The following UBE2W variants were observed in gnomAD, a reference collection of about 807,000 sequenced individuals.
UBE2W encodes the protein ubiquitin-conjugating enzyme E2 W.
UBE2W carries 18 observed loss-of-function variants against 27.2 expected under a neutral mutation model. The observed-to-expected ratio is 0.66, with a 90% CI of 0.46 to 0.98. The LOEUF is 0.98. Among genes scored for constraint, UBE2W ranks in the 50% least tolerant of loss-of-function variants. UBE2W has a pLI of 0.00. For synonymous variants in UBE2W, 53 were observed against 57.2 expected (o/e 0.93, Z 0.33); for missense variants, 90 against 180.2 (o/e 0.50, Z 2.87).
chr8:73,781,125 C>A (rs1164199077), intron 4 of UBE2W, among the ~76,000 whole-genome samples: 2 of 151,762 alleles, frequency 1.3e-5, no homozygotes, highest in Non-Finnish European at 2.9e-5. Flanking sequence ...CAAAAATTAG[C>A]CAGGCATGGT....
intron 1 of UBE2W, among the ~76,000 whole-genome samples, chr8:73,845,679 C>CGAGA (rs1810768281): frequency 6.6e-6 from 1 of 151,046 alleles, no homozygotes; most frequent in South Asian, 2.1e-4. Flanking sequence ...TCCCCCTCTC[C>CGAGA]GAGAAACACC....
At chr8:73,813,339 A>C (rs751612277) in intron 3 of UBE2W, among the ~76,000 whole-genome samples, 2 of 152,252 alleles carry the variant, frequency 1.3e-5, no homozygotes, top group South Asian at 4.1e-4. Context: ...AGCGATGAGT[A>C]GCAGTAGAAA....
downstream of UBE2W, among the ~76,000 whole-genome samples, chr8:73,781,449 G>A (rs559829952): frequency 4.7e-4 from 71 of 151,902 alleles, no homozygotes; most frequent in African/African-American, 1.4e-3. Context: ...GGTGCAACGG[G>A]GGAATGCAAA....
intron 5 of UBE2W, among the ~76,000 whole-genome samples, chr8:73,799,331 A>G (rs919197843): frequency 1.4e-4 from 21 of 152,066 alleles, no homozygotes; most frequent in Admixed American, 1.3e-4. Context: ...ATTCTAACTA[A>G]TAATGTAGAA....
rs763342032 is a variant in UBE2W at position 73,810,431 on chromosome 8, TGAAA to T, written c.366+39_366+42del. The T allele has an allele frequency of 3.9e-5, 61 of 1,546,454 alleles. No homozygotes were observed. The East Asian group carries it at 1.4e-3, about 35-fold the overall frequency. ...TATTAAAATTATTTATCTACCTAACTGAAAGAAGAGATATTATCTGGAATAATTC... is the reference window on the plus strand; with the variant it reads ...TATTAAAATTATTTATCTACCTAACTGAAGAGATATTATCTGGAATAATTC... On this transcript the variant is annotated intron_variant, in intron 4 of 5. Coordinates refer to ENST00000602593, the MANE Select transcript of UBE2W (RefSeq NM_018299.6).
At chr8:73,853,313 G>A (rs936837094) in intron 1 of UBE2W, among the ~76,000 whole-genome samples, 1 of 152,160 alleles carries the variant, frequency 6.6e-6, no homozygotes, top group Non-Finnish European at 1.5e-5. Flanking sequence ...TTATTTATTT[G>A]GCAAAGTCTT....
In UBE2W at chr8:73,813,104, AAAAAAG is replaced by A. The variant is rs1321889572; in HGVS notation, c.211-2481_211-2476del. 8.2e-3 allele frequency among the ~76,000 whole-genome samples: 1,220 copies of A among 148,896 alleles called. 1 individual carries two copies. The highest frequency in any genetic ancestry group is 0.013 in the Non-Finnish European group (885 of 66,578). The stretch of plus-strand genomic sequence containing the variant: ...GCCACAAAAAAAAAAAAAAAAAAAA[AAAAAAG>A]AACAACTGCCAAATTATCTTCTTTG... On this transcript the variant is annotated intron_variant, in intron 3 of 5. Transcript: ENST00000602593.
intron 5 of UBE2W, among the ~76,000 whole-genome samples, chr8:73,804,729 T>C (rs1808796849): frequency 1.3e-5 from 2 of 152,014 alleles, no homozygotes; most frequent in Admixed American, 1.3e-4. Context: ...TAGTTCTTTT[T>C]TTTTTTTCCT....
intron 1 of UBE2W, among the ~76,000 whole-genome samples, chr8:73,873,792 A>C (rs1388972973): frequency 1.3e-5 from 2 of 152,210 alleles, no homozygotes; most frequent in Non-Finnish European, 2.9e-5. Context: ...TTGACAGTTA[A>C]CAGTCTAAGA....
intron 1 of UBE2W, among the ~76,000 whole-genome samples, chr8:73,868,722 C>T (rs758205927): frequency 6.6e-6 from 1 of 151,420 alleles, no homozygotes; most frequent in Non-Finnish European, 1.5e-5. Context: ...AAAAAAAACC[C>T]ACATATCTGG....
At chr8:73,855,432 C>A (rs1204367866) in intron 1 of UBE2W, among the ~76,000 whole-genome samples, 1 of 125,366 alleles carries the variant, frequency 8.0e-6, no homozygotes, top group Non-Finnish European at 1.6e-5. Context: ...GACAAGGTCT[C>A]ACTCTGTCAC....
Position 73,788,135 on chromosome 8 carries a change from A to G in UBE2W, c.*5967T>C. 1 of 982,022 alleles carries G rather than the reference A, an allele frequency of 1.0e-6. No individual in the cohort carries two copies. Among genetic ancestry groups the G allele is most frequent in the Non-Finnish European group, 1.2e-6 (1 of 826,854 alleles). 60.8% of individuals were successfully genotyped at this position (982,022 alleles called of 1,614,324 possible). ...TCAAGTCTACAGAAAAAATCCAATA[A>G]CAACTGCTTTATTATTAAAAGTTAT... On this transcript the variant is annotated 3_prime_UTR_variant, in exon 6 of 6. Transcript: ENST00000602593.
At chr8:73,878,217 T>C (rs1051634764) in intron 1 of UBE2W, among the ~76,000 whole-genome samples, 2 of 151,926 alleles carry the variant, frequency 1.3e-5, no homozygotes, top group Non-Finnish European at 2.9e-5. Context: ...CTGATGGAAA[T>C]AGAAGATACC....
intron 3 of UBE2W, among the ~76,000 whole-genome samples, chr8:73,822,837 TTA>T (rs1393191656): frequency 6.6e-6 from 1 of 151,712 alleles, no homozygotes; most frequent in African/African-American, 2.4e-5. Flanking sequence ...AGCACTGACA[TTA>T]AGAAAAGAAT....
chr8:73,830,068 CCAAA>C (rs1465159975), intron 2 of UBE2W, among the ~76,000 whole-genome samples: 1 of 151,406 alleles, frequency 6.6e-6, no homozygotes, highest in Non-Finnish European at 1.5e-5. Context: ...AAACCTCACA[CCAAA>C]CAGTTCTTTA....
intron 1 of UBE2W, among the ~76,000 whole-genome samples, chr8:73,838,001 A>C (rs905692783): frequency 2.6e-5 from 4 of 152,186 alleles, no homozygotes; most frequent in Non-Finnish European, 5.9e-5. Flanking sequence ...AGCATCTCAA[A>C]TCTGGAGAAA....
At chr8:73,859,441 G>A (rs1426936823) in intron 1 of UBE2W, among the ~76,000 whole-genome samples, 1 of 152,232 alleles carries the variant, frequency 6.6e-6, no homozygotes, top group Non-Finnish European at 1.5e-5. Context: ...AGGAGGTGGA[G>A]GCTGCAGTGA....
intron 1 of UBE2W, among the ~76,000 whole-genome samples, chr8:73,868,576 T>A (rs553742813): frequency 6.6e-6 from 1 of 152,102 alleles, no homozygotes; most frequent in Non-Finnish European, 1.5e-5. Flanking sequence ...GTGGGTAACC[T>A]GGGAACCTAC....
At chr8:73,780,440 G>A (rs1365788189) in exon 5 of UBE2W, 1 of 445,952 alleles carries the variant, frequency 2.2e-6, no homozygotes, top group Non-Finnish European at 4.5e-6. Context: ...TTGAGGTACT[G>A]GGAGTTAAGA....
Sources: gnomAD v4.1 joint callset for allele counts (sites outside exome capture counted in the v4.1 genomes callset) on GRCh38, gnomAD v4.1.1 for gene constraint, MANE v1.5 for transcripts, NCBI Gene and HGNC (gene_info 2026-07-23, HGNC 2026-07-21) for gene names.